The following CPT1C variants were observed in gnomAD, a reference collection of about 807,000 sequenced individuals.
CPT1C encodes carnitine palmitoyltransferase 1C, also known as palmitoyl thioesterase CPT1C.
CPT1C carries 61 observed loss-of-function variants against 97.3 expected under a neutral mutation model. The observed-to-expected ratio is 0.63, with a 90% CI of 0.51 to 0.78. The LOEUF (loss-of-function observed/expected upper bound fraction) is 0.78, where lower values mean the gene tolerates loss of function less well. Among genes scored for constraint, CPT1C ranks in the 30% least tolerant of loss-of-function variants. CPT1C has a pLI of 0.00. For synonymous variants in CPT1C, 469 were observed against 447.2 expected (o/e 1.05, Z -0.61); for missense variants, 975 against 1,065.5 (o/e 0.92, Z 1.18).
In CPT1C at chr19:49,705,037, C is replaced by A; in HGVS notation, c.802C>A (p.Gln268Lys). 6.2e-7 allele frequency: 1 copy of A among 1,608,030 alleles called. No homozygotes were observed. The highest frequency in any genetic ancestry group is 8.5e-7 in the Non-Finnish European group (1 of 1,175,768). Residue 268 changes from glutamine to lysine, a missense_variant, in exon 9 of 20, where the codon CAG becomes AAG. Physicochemically the swap from Gln to Lys is moderately conservative, Grantham distance 53. This residue lies in a region of CPT1C where 596 missense variants were observed against 603.1 expected (regional missense o/e 0.99). Coordinates refer to ENST00000598293, the MANE Select transcript of CPT1C (RefSeq NM_001199753.2). ...CCTGTATGTCACACCCACGCCTCTG[C>A]AGGCAGCTCGCGCTGGGAATGCCGT... The part of the protein sequence containing the change: ...DFLYVTPTPL[Q>K]AARAGNAVHA...
Position 49,701,553 on chromosome 19 carries a change from C to CCTGG in CPT1C, c.614_617dup (p.Gln207GlyfsTer29). The CCTGG allele has an allele frequency of 6.2e-7, 1 of 1,612,438 alleles. No homozygotes were observed. The highest frequency in any genetic ancestry group is 8.5e-7 in the Non-Finnish European group (1 of 1,179,112). ...ACGAGGACTTCGACTGGACCGCGGT[C>CCTGG]CTGGCGCAGGAATTCCTGAGGCTGC... On this transcript the variant is annotated frameshift_variant, in exon 7 of 20. Transcript: ENST00000598293. LOFTEE classifies it high-confidence loss of function.
In CPT1C at chr19:49,696,441, TTTTTC is replaced by T. The variant is rs201233550; in HGVS notation, c.142-870_142-866del. On this transcript the variant is annotated intron_variant, in intron 3 of 19. Transcript: ENST00000598293. ...CTGCTCTGAATAGGGATCATTTTTC[TTTTTC>T]TTTTCTTTTCTTTTTTTTTTTTTTT... 1,260 of 148,060 alleles carry T rather than the reference TTTTTC, an allele frequency of 8.5e-3. 29 individuals are homozygous for T. The highest frequency in any genetic ancestry group is 0.029 in the African/African-American group (1,092 of 37,992). The allele number at this position is 148,060 out of a possible 1,614,324, so 9.2% of individuals were successfully genotyped here. A position where few individuals can be genotyped will look rare whatever the true frequency, so the allele number is the denominator to read the frequency against.
chr19:49,702,145 AT>A lies in CPT1C; in HGVS notation c.693+514del, dbSNP rs1299811067. 1.6e-5 allele frequency among the ~76,000 whole-genome samples: 2 copies of A among 125,718 alleles called. 1 individual carries two copies. Among genetic ancestry groups the A allele is most frequent in the Admixed American group, 1.8e-4 (2 of 10,866 alleles). The allele number at this position is 125,718 out of a possible 152,430, so 82.5% of individuals were successfully genotyped here. A position where few individuals can be genotyped will look rare whatever the true frequency, so the allele number is the denominator to read the frequency against. ...ATTTATAAATTATAAATAAATATAT[AT>A]TTATTTATAAATTATAAATAAATAT... On this transcript the variant is annotated intron_variant, in intron 7 of 19. Transcript: ENST00000598293.
upstream of CPT1C, chr19:49,690,795 C>A: frequency 3.2e-6 from 1 of 310,060 alleles, no homozygotes; most frequent in Non-Finnish European, 5.9e-6. The surrounding 1 kb of genome is among the most constrained non-coding windows in gnomAD (Gnocchi z 4.4). Context: ...CCCTCCCTGG[C>A]GTGAAAGGGC....
At chr19:49,711,701 C>T in intron 16 of CPT1C, 108 bp from the exon 17 acceptor site, 1 of 1,167,802 alleles carries the variant, frequency 8.6e-7, no homozygotes, top group African/African-American at 1.5e-5. Flanking sequence ...TTGATATTCC[C>T]ACCTTGCAGG....
At chr19:49,702,919 C>T (rs921971780) in intron 7 of CPT1C, among the ~76,000 whole-genome samples, 1 of 151,990 alleles carries the variant, frequency 6.6e-6, no homozygotes, top group Non-Finnish European at 1.5e-5. Flanking sequence ...GAAGAGGGTC[C>T]CCGGCAGAGC....
At chr19:49,692,503 C>T in intron 3 of CPT1C, 110 bp downstream of exon 3, 1 of 1,359,606 alleles carries the variant, frequency 7.4e-7, no homozygotes, top group Admixed American at 2.3e-5. Flanking sequence ...GAGACTATCA[C>T]CCCTTTTTCT....
intron 5 of CPT1C, among the ~76,000 whole-genome samples, chr19:49,701,070 C>T (rs1277212528): frequency 1.5e-5 from 1 of 67,482 alleles, no homozygotes; most frequent in African/African-American, 7.4e-5. Flanking sequence ...TCTCCGTCCC[C>T]CCCTCTGGGT....
chr19:49,701,959 T>TAAATA lies in CPT1C; in HGVS notation c.693+325_693+326insAAATA, dbSNP rs2083121162. On this transcript the variant is annotated intron_variant, in intron 7 of 19. Coordinates refer to ENST00000598293, the MANE Select transcript of CPT1C (RefSeq NM_001199753.2). ...ATTTATAAATTTATATATAAATATATTTATATATAAATTTATAAATAAATA... is the reference window on the plus strand; with the variant it reads ...ATTTATAAATTTATATATAAATATATAAATATTATATATAAATTTATAAATAAATA... Among the ~76,000 whole-genome samples the TAAATA allele has an allele frequency of 6.6e-5, 6 of 91,414 alleles. 1 individual carries two copies. Among genetic ancestry groups the TAAATA allele is most frequent in the South Asian group, 5.6e-4 (2 of 3,570 alleles). 60.0% of individuals were successfully genotyped at this position (91,414 alleles called of 152,430 possible). A position where few individuals can be genotyped will look rare whatever the true frequency, so the allele number is the denominator to read the frequency against.
At position 49,713,637 on chromosome 19, in the gene CPT1C, G is replaced by T. The variant is rs748997716; in HGVS notation, c.*32G>T. 5 of 1,573,772 alleles carry T rather than the reference G, an allele frequency of 3.2e-6. No individual in the cohort carries two copies. In the Admixed American group the frequency reaches 9.1e-5, roughly 29 times the overall value. On this transcript the variant is annotated 3_prime_UTR_variant, in exon 20 of 20. Transcript: ENST00000598293. ...CCAGCAGGCAGCTGGCCTCTCCAAG[G>T]AATAAGGGTGAAATTGCCACAGCTG...
intron 4 of CPT1C, among the ~76,000 whole-genome samples, chr19:49,698,091 A>T (rs2082774436): frequency 6.7e-6 from 1 of 149,614 alleles, no homozygotes; most frequent in Non-Finnish European, 1.5e-5. Context: ...TTTGCTGGGC[A>T]CAGTGGCTCA....
chr19:49,704,790 G>A lies in CPT1C; in HGVS notation c.771+3G>A, dbSNP rs1028433088. The A allele has an allele frequency of 2.5e-6, 4 of 1,613,858 alleles. No individual in the cohort carries two copies. The highest frequency in any genetic ancestry group is 1.7e-6 in the Non-Finnish European group (2 of 1,179,760). Reference sequence around the variant, plus strand: ...TGAACAGCAACTATTACATGATGGTGAGAAGGGGAGGGGTGAGGTTCATAG... The same window carrying A: ...TGAACAGCAACTATTACATGATGGTAAGAAGGGGAGGGGTGAGGTTCATAG... On this transcript the variant is annotated splice_donor_region_variant and intron_variant, in intron 8 of 19. Coordinates refer to ENST00000598293, the MANE Select transcript of CPT1C (RefSeq NM_001199753.2).
rs755710053 is a variant in CPT1C, at chr19:49,692,273, C to T, written c.21C>T (p.Ala7=). Residue 7 remains alanine, a synonymous_variant, in exon 3 of 20, where the codon GCC becomes GCT. Transcript: ENST00000598293. MAEAHQ[A]VGFRPSLTSD... ...GTGACATGGCTGAAGCGCACCAGGC[C>T]GTGGGCTTCCGACCCTCGCTGACCT... The T allele has an allele frequency of 4.3e-6, 7 of 1,613,996 alleles. No homozygotes were observed. The highest frequency in any genetic ancestry group is 1.7e-4 in the Middle Eastern group (1 of 6,052).
intron 4 of CPT1C, 135 bp downstream of exon 4, chr19:49,697,600 T>C (rs2082739581): frequency 1.8e-6 from 2 of 1,092,248 alleles, no homozygotes; most frequent in Admixed American, 2.5e-5. Context: ...AATAAAGGCA[T>C]GGCATGAAGA....
chr19:49,690,690 A>C, upstream of CPT1C: 1 of 526,998 alleles, frequency 1.9e-6, no homozygotes, highest in Non-Finnish European at 3.2e-6. The surrounding 1 kb of genome is among the most constrained non-coding windows in gnomAD (Gnocchi z 4.4). Flanking sequence ...TCTACCTTGA[A>C]TCCAACCCGC....
Position 49,706,408 on chromosome 19 carries a change from T to C in CPT1C, c.1338T>C (p.His446=). The C allele has an allele frequency of 1.3e-6, 2 of 1,482,838 alleles. No homozygotes were observed. Among genetic ancestry groups the C allele is most frequent in the Non-Finnish European group, 8.9e-7 (1 of 1,124,818 alleles). The allele number at this position is 1,482,838 out of a possible 1,614,324, so 91.9% of individuals were successfully genotyped here. A position where few individuals can be genotyped will look rare whatever the true frequency, so the allele number is the denominator to read the frequency against. Residue 446 remains histidine (H), a synonymous_variant, in exon 12 of 20, where the codon CAT becomes CAC. Coordinates refer to ENST00000598293, the MANE Select transcript of CPT1C (RefSeq NM_001199753.2). This position sits in a 1 kb window ranked among gnomAD's most constrained non-coding sequence, Gnocchi z 4.8. ...ATGCTCTGCTGGCCGGCCGGGGCCA[T>C]GATCGGTGAGTGAGTCTTGGGATGG... ...YAHALLAGRG[H]DRWFDKSFTL...
chr19:49,692,974 C>T (rs1037929789), intron 3 of CPT1C, among the ~76,000 whole-genome samples: 1 of 152,170 alleles, frequency 6.6e-6, no homozygotes, highest in African/African-American at 2.4e-5. Flanking sequence ...TCACTGCAAC[C>T]ACCTCCCAGG....
At chr19:49,712,405 TG>T (rs2083949652) in intron 17 of CPT1C, 1 of 332,248 alleles carries the variant, frequency 3.0e-6, no homozygotes. Flanking sequence ...AAGTCAGTTG[TG>T]GGGGGGCGGC....
At chr19:49,703,618 TTCTC>T (rs1212445795) in intron 7 of CPT1C, among the ~76,000 whole-genome samples, 2 of 119,202 alleles carry the variant, frequency 1.7e-5, no homozygotes, top group Non-Finnish European at 3.4e-5. Context: ...CCTTCCTTCC[TTCTC>T]TCTTTCTCTC....
Sources: allele counts gnomAD v4.1 joint callset (sites outside exome capture counted in the v4.1 genomes callset), GRCh38; gene constraint gnomAD v4.1.1; regional missense constraint gnomAD v4.1.1; non-coding constraint Gnocchi (gnomAD v3.1); transcripts MANE v1.5; gene names NCBI Gene and HGNC (gene_info 2026-07-23, HGNC 2026-07-21).